The following PRDM6 variants were observed in gnomAD, a reference collection of about 807,000 sequenced individuals.
PRDM6 encodes the protein putative histone-lysine N-methyltransferase PRDM6.
A neutral mutation model predicts 60.8 loss-of-function variants in PRDM6; 25 were observed. That is an observed-to-expected ratio of 0.41 (90% confidence interval 0.30 to 0.57). The LOEUF is 0.57. Among genes scored for constraint, PRDM6 ranks in the 20% least tolerant of loss-of-function variants. The pLI, the probability that PRDM6 is intolerant of heterozygous loss-of-function variation, is 0.27. For synonymous variants in PRDM6, 407 were observed against 357.4 expected, an observed-to-expected ratio of 1.14 and a Z score of -1.57; for missense variants, 839 against 821.3, an observed-to-expected ratio of 1.02 and a Z score of -0.26.
intron 3 of PRDM6, among the ~76,000 whole-genome samples, chr5:123,155,262 C>CTT (rs759225954): frequency 0.14 from 13,366 of 92,490 alleles, 1,198 homozygotes; most frequent in East Asian, 0.49. Flanking sequence ...GAGGGTCTCT[C>CTT]TTTTTTTTTT....
intron 3 of PRDM6, among the ~76,000 whole-genome samples, chr5:123,107,257 T>A (rs1580482285): frequency 6.6e-6 from 1 of 152,258 alleles, no homozygotes; most frequent in Non-Finnish European, 1.5e-5. Flanking sequence ...ATTGCAGATC[T>A]AAAATTCAAT....
intron 3 of PRDM6, among the ~76,000 whole-genome samples, chr5:123,113,783 G>A (rs1250693888): frequency 6.6e-6 from 1 of 152,160 alleles, no homozygotes; most frequent in African/African-American, 2.4e-5. Flanking sequence ...CACTGCACTG[G>A]TTTTTCAGAC....
chr5:123,090,092 C>G lies in PRDM6; in HGVS notation c.78C>G (p.Leu26=), dbSNP rs796111498. 25 of 1,546,986 alleles carry G rather than the reference C, an allele frequency of 1.6e-5. No homozygotes were observed. In the African/African-American group the frequency reaches 2.5e-4, roughly 15 times the overall value. Reference sequence around the variant, plus strand: ...CCTACCTGCAGCACTGGCAGCAACTCTTCCCTCACGGAGGCGCAGGCCCGC... The same window carrying G: ...CCTACCTGCAGCACTGGCAGCAACTGTTCCCTCACGGAGGCGCAGGCCCGC... ...DPAYLQHWQQ[L]FPHGGAGPLK... Residue 26 remains leucine (L), a synonymous_variant, in exon 2 of 8, where the codon CTC becomes CTG. Transcript: ENST00000407847.
chr5:123,116,092 T>C (rs142277464), intron 3 of PRDM6, among the ~76,000 whole-genome samples: 2 of 152,298 alleles, frequency 1.3e-5, no homozygotes, highest in East Asian at 3.9e-4. Flanking sequence ...GAGTGCTCCG[T>C]GCTGCCTGGT....
chr5:123,126,299 G>A (rs1764692860), intron 3 of PRDM6, among the ~76,000 whole-genome samples: 1 of 152,304 alleles, frequency 6.6e-6, no homozygotes, highest in South Asian at 2.1e-4. Context: ...TTATGTCACA[G>A]TGATGGCAAT....
rs1459556704 is a variant in PRDM6 at position 123,155,942 on chromosome 5, C to G, written c.959C>G (p.Ser320Trp). Reference protein sequence around the residue: ...HFIDGGEPSKSSWMRYIRCAR... With the variant: ...HFIDGGEPSKWSWMRYIRCAR... ...ATTGATGGTGGGGAACCTAGTAAGT[C>G]GAGCTGGATGAGGTATATCCGATGT... is the stretch of plus-strand genomic sequence containing the variant. Residue 320 changes from serine (S) to tryptophan (W), a missense_variant, in exon 4 of 8, where the codon TCG becomes TGG. Around this residue, in one of 2 missense-constraint regions of PRDM6, gnomAD observed 730 missense variants for 648.8 expected, o/e 1.13. Coordinates refer to ENST00000407847, the MANE Select transcript of PRDM6 (RefSeq NM_001136239.4). 4 of 1,551,430 alleles carry G rather than the reference C, an allele frequency of 2.6e-6. No individual in the cohort carries two copies. The Admixed American group carries it at 7.8e-5, about 30-fold the overall frequency.
intron 3 of PRDM6, among the ~76,000 whole-genome samples, chr5:123,133,473 T>C (rs1764881527): frequency 6.6e-6 from 1 of 152,058 alleles, no homozygotes; most frequent in Admixed American, 6.6e-5. Context: ...AAACACAACC[T>C]AAATATCCTT....
In PRDM6 at chr5:123,181,675, G is replaced by A. The variant is rs970263300; in HGVS notation, c.1673+1352G>A. Among the ~76,000 whole-genome samples, 7 of 152,314 alleles carry A rather than the reference G, an allele frequency of 4.6e-5. No homozygotes were observed. The East Asian group carries it at 1.2e-3, about 25-fold the overall frequency. Reference sequence around the variant, plus strand: ...CTGTAGGACATGATCAAGCAAGAGAGGAAATGATTCAGGCAGTAGGAGACT... The same window carrying A: ...CTGTAGGACATGATCAAGCAAGAGAAGAAATGATTCAGGCAGTAGGAGACT... On this transcript the variant is annotated intron_variant, in intron 7 of 7. Coordinates refer to ENST00000407847, the MANE Select transcript of PRDM6 (RefSeq NM_001136239.4).
chr5:123,182,562 A>G (rs1044186962), intron 7 of PRDM6, among the ~76,000 whole-genome samples: 1 of 152,108 alleles, frequency 6.6e-6, no homozygotes, highest in African/African-American at 2.4e-5. Context: ...ACTTCACTCA[A>G]TTTTTTTCCT....
At chr5:123,168,270 T>G (rs1403459212) in intron 5 of PRDM6, among the ~76,000 whole-genome samples, 2 of 152,166 alleles carry the variant, frequency 1.3e-5, no homozygotes, top group Non-Finnish European at 2.9e-5. Context: ...ATGTATAACG[T>G]AAGTATATAT....
intron 3 of PRDM6, among the ~76,000 whole-genome samples, chr5:123,129,423 C>T (rs989696291): frequency 3.9e-5 from 6 of 152,126 alleles, no homozygotes; most frequent in Non-Finnish European, 5.9e-5. Flanking sequence ...TTGTTAGCGT[C>T]CTCTTGTATT....
At chr5:123,160,215 A>T (rs943537847) in intron 5 of PRDM6, among the ~76,000 whole-genome samples, 1 of 152,240 alleles carries the variant, frequency 6.6e-6, no homozygotes, top group Non-Finnish European at 1.5e-5. Flanking sequence ...GGAAACATGT[A>T]ATTTTCTCCT....
At chr5:123,164,008 T>G (rs1022859338) in intron 5 of PRDM6, among the ~76,000 whole-genome samples, 1 of 151,936 alleles carries the variant, frequency 6.6e-6, no homozygotes, top group Non-Finnish European at 1.5e-5. Context: ...TAGGTCAGAG[T>G]CAGGAAGGCC....
intron 3 of PRDM6, among the ~76,000 whole-genome samples, chr5:123,131,312 A>G (rs1764829428): frequency 6.6e-6 from 1 of 152,214 alleles, no homozygotes; most frequent in African/African-American, 2.4e-5. Context: ...GTATTTCAAA[A>G]TAGCCAGAAG....
At position 123,125,315 on chromosome 5, in the gene PRDM6, C is replaced by A. The variant is rs747469119; in HGVS notation, c.900+25354C>A. On this transcript the variant is annotated intron_variant, in intron 3 of 7. Coordinates refer to ENST00000407847, the MANE Select transcript of PRDM6 (RefSeq NM_001136239.4). Reference sequence around the variant, plus strand: ...GACTCATAGTCTGTTTGTTGTGTTGCCTCATTTAAATTGTGGCATCATAAA... The same window carrying A: ...GACTCATAGTCTGTTTGTTGTGTTGACTCATTTAAATTGTGGCATCATAAA... 6.0e-4 allele frequency among the ~76,000 whole-genome samples: 92 copies of A among 152,136 alleles called. 1 individual carries two copies. The highest frequency in any genetic ancestry group is 7.8e-4 in the Non-Finnish European group (53 of 68,012).
chr5:123,153,239 T>A (rs1263424698), intron 3 of PRDM6, among the ~76,000 whole-genome samples: 1 of 152,082 alleles, frequency 6.6e-6, no homozygotes, highest in East Asian at 1.9e-4. Context: ...TCTTTTCATT[T>A]ATTTTTTTCT....
intron 7 of PRDM6, among the ~76,000 whole-genome samples, chr5:123,183,219 A>G (rs1331766861): frequency 2.0e-5 from 3 of 152,176 alleles, no homozygotes; most frequent in Non-Finnish European, 4.4e-5. Context: ...CCTCAACTGT[A>G]TGTCTTGGGG....
chr5:123,192,300 T>C lies in PRDM6; in HGVS notation c.*5099T>C, dbSNP rs1471190525. Reference sequence around the variant, plus strand: ...CCTTCTCATATATGCTTAACAGTTTTAGCTTTGTAGCTTCTTTAGTTTTTT... The same window carrying C: ...CCTTCTCATATATGCTTAACAGTTTCAGCTTTGTAGCTTCTTTAGTTTTTT... On this transcript the variant is annotated 3_prime_UTR_variant, in exon 8 of 8. Coordinates refer to ENST00000407847, the MANE Select transcript of PRDM6 (RefSeq NM_001136239.4). The C allele has an allele frequency of 6.6e-6, 1 of 152,240 alleles. No individual in the cohort carries two copies. Among genetic ancestry groups the C allele is most frequent in the Non-Finnish European group, 1.5e-5 (1 of 68,038 alleles). 9.4% of individuals were successfully genotyped at this position (152,240 alleles called of 1,614,324 possible).
chr5:123,158,732 C>T lies in PRDM6; in HGVS notation c.1029-782C>T, dbSNP rs112093097. On this transcript the variant is annotated intron_variant, in intron 4 of 7. Transcript: ENST00000407847. ...CTTACAGAAAGGAGAAATTTAAGGC[C>T]CACCAACCCTACACACTTTTATCTT... Among the ~76,000 whole-genome samples, 1,259 of 152,096 alleles carry T rather than the reference C, an allele frequency of 8.3e-3. 10 individuals are homozygous for T. Among genetic ancestry groups the T allele is most frequent in the Middle Eastern group, 0.02 (6 of 294 alleles).
Sources: gnomAD v4.1 joint callset for allele counts (sites outside exome capture counted in the v4.1 genomes callset) on GRCh38, gnomAD v4.1.1 for gene constraint, gnomAD v4.1.1 regional missense constraint, MANE v1.5 for transcripts, NCBI Gene and HGNC (gene_info 2026-07-23, HGNC 2026-07-21) for gene names.